Variants in APBB3 observed in about 807,000 individuals in gnomAD.
APBB3 encodes the protein amyloid-beta A4 precursor protein-binding family B member 3.
APBB3 carries 50 observed loss-of-function variants against 61.5 expected under a neutral mutation model. The ratio of observed to expected loss-of-function variants is 0.81; its 90% CI spans 0.65 to 1.03. APBB3 has a LOEUF of 1.03. APBB3 is among the 50% of genes least tolerant of loss of function. The probability of loss-of-function intolerance (pLI) is 0.00; values close to 1 mark genes in which losing one functional copy is unlikely to be tolerated. For missense variants in APBB3, 550 were observed against 637.4 expected (o/e 0.86, Z 1.48); for synonymous variants, 235 against 233.0 (o/e 1.01, Z -0.08).
Position 140,560,426 on chromosome 5 carries a change from G to C in APBB3, c.1111C>G (p.Pro371Ala). Residue 371 changes from proline to alanine, a missense_variant, in exon 12 of 13, where the codon CCA (proline) becomes GCA (alanine). Physicochemically the swap from Pro to Ala is conservative, Grantham distance 27. Around this residue, in one of 3 missense-constraint regions of APBB3, gnomAD observed 405 missense variants for 483.4 expected, o/e 0.84. Transcript: ENST00000357560. The surrounding 1 kb of genome is among the most constrained non-coding windows in gnomAD (Gnocchi z 5.1). ...LVTFIGVGRD[P>A]HTFGLIADLG... is the part of the protein sequence containing the mutation. ...TCAGCGATGAGGCCAAAGGTGTGTGGGTCGCGGCCAACACCAATAAATGTC... is the reference window on the plus strand; with the variant it reads ...TCAGCGATGAGGCCAAAGGTGTGTGCGTCGCGGCCAACACCAATAAATGTC... The C allele has an allele frequency of 6.2e-7, 1 of 1,614,192 alleles. No individual in the cohort carries two copies. Among genetic ancestry groups the C allele is most frequent in the Non-Finnish European group, 8.5e-7 (1 of 1,180,034 alleles).
rs760558978 is a variant in APBB3, at chr5:140,562,477, C to T, written c.374G>A (p.Gly125Asp). The change falls in exon 5 of 13, where the codon GGC (glycine) becomes GAC (aspartate). Residue 125 changes from glycine (G) to aspartate (D), a missense_variant. Gly to Asp is a moderately conservative substitution (Grantham distance 94). This residue lies in a region of APBB3 where 405 missense variants were observed against 483.4 expected (regional missense o/e 0.84). Coordinates refer to ENST00000357560, the MANE Select transcript of APBB3 (RefSeq NM_133173.3). Reference protein sequence around the residue: ...GAKCFAVRSLGWVEVPEEDLA... With the variant: ...GAKCFAVRSLDWVEVPEEDLA... ...GTCCTCTTCAGGTACCTCTACCCAGCCCAGAGAGCGGACTGCAAAGCACTG... is the reference window on the plus strand; with the variant it reads ...GTCCTCTTCAGGTACCTCTACCCAGTCCAGAGAGCGGACTGCAAAGCACTG... The T allele has an allele frequency of 6.2e-7, 1 of 1,614,122 alleles. No individual in the cohort carries two copies. The highest frequency in any genetic ancestry group is 2.2e-5 in the East Asian group (1 of 44,886).
rs778600820 is a variant in APBB3 at position 140,562,707 on chromosome 5, A to C, written c.307T>G (p.Tyr103Asp). ...SLDRSNSLSW[Y>D]GGESYIQSME... ...CTCTGGATGTAGGATTCCCCACCAT[A>C]CCAGGACAGAGAGTTACTGAAACAG... The change falls in exon 4 of 13, where the codon TAT becomes GAT. Residue 103 changes from tyrosine (Y) to aspartate (D), a missense_variant. Transcript: ENST00000357560. The C allele has an allele frequency of 5.6e-6, 9 of 1,614,146 alleles. No individual in the cohort carries two copies. In the South Asian group the frequency reaches 9.9e-5, roughly 18 times the overall value.
chr5:140,560,051 CACTT>C lies in APBB3; in HGVS notation c.1224+258_1224+261del, dbSNP rs139854367. Among the ~76,000 whole-genome samples the C allele has an allele frequency of 1.0e-3, 153 of 152,350 alleles. No individual in the cohort carries two copies. The highest frequency in any genetic ancestry group is 3.4e-3 in the African/African-American group (142 of 41,574). On this transcript the variant is annotated intron_variant, in intron 12 of 12. Transcript: ENST00000357560. This position sits in a 1 kb window ranked among gnomAD's most constrained non-coding sequence, Gnocchi z 5.1. The stretch of plus-strand genomic sequence containing the variant: ...CTGCACAACTCTGGCTGCATGCTGA[CACTT>C]ACACGTGTGAACTGAGTGCCAGAGC...
chr5:140,562,512 G>A lies in APBB3; in HGVS notation c.352-13C>T, dbSNP rs766675104. The stretch of plus-strand genomic sequence containing the variant: ...GGACTGCAAAGCACTGACAGGTTGG[G>A]GGAAGGGACAGGAATTAATAAGGAT... On this transcript the variant is annotated splice_polypyrimidine_tract_variant and intron_variant, in intron 4 of 12. Transcript: ENST00000357560. 1.1e-5 allele frequency: 18 copies of A among 1,613,738 alleles called. No individual in the cohort carries two copies. The highest frequency in any genetic ancestry group is 1.4e-5 in the Non-Finnish European group (17 of 1,179,884).
At chr5:140,563,350 T>C in intron 3 of APBB3, 4 of 576,698 alleles carry the variant, frequency 6.9e-6, no homozygotes, top group Non-Finnish European at 1.2e-5. Flanking sequence ...ATGGCCAAGG[T>C]CTAGAACATG....
chr5:140,564,040 A>T lies in APBB3; in HGVS notation c.50-125T>A. 1.4e-6 allele frequency: 2 copies of T among 1,463,088 alleles called. No homozygotes were observed. The highest frequency in any genetic ancestry group is 1.9e-6 in the Non-Finnish European group (2 of 1,080,312). 90.6% of individuals were successfully genotyped at this position (1,463,088 alleles called of 1,614,324 possible). On this transcript the variant is annotated intron_variant, in intron 1 of 12. Transcript: ENST00000357560. This position sits in a 1 kb window ranked among gnomAD's most constrained non-coding sequence, Gnocchi z 5.0. ...CTTAGGCTGAAGATCCAGGCTCCTC[A>T]ATCTTGAAGACATCACATGTAAAGA...
In APBB3 at chr5:140,564,201, G is replaced by C. The variant is rs1755104685; in HGVS notation, c.45C>G (p.Cys15Trp). Residue 15 changes from cysteine to tryptophan, a missense_variant, in exon 1 of 13, where the codon TGC becomes TGG. By Grantham distance (215) the Cys-to-Trp change is radical. Around this residue, in one of 3 missense-constraint regions of APBB3, gnomAD observed 405 missense variants for 483.4 expected, o/e 0.84. Transcript: ENST00000357560. The surrounding 1 kb of genome is among the most constrained non-coding windows in gnomAD (Gnocchi z 5.0). ...ACCGGGCCCCTCCGTGCACACCATC[G>C]CAGTTGACCAGAATGATGGCCAGCA... Reference protein sequence around the residue: ...DYMLAIILVNCDDDLWGDHSL... With the variant: ...DYMLAIILVNWDDDLWGDHSL... The C allele has an allele frequency of 6.2e-7, 1 of 1,613,736 alleles. No homozygotes were observed. The highest frequency in any genetic ancestry group is 1.3e-5 in the African/African-American group (1 of 74,902).
In APBB3 at chr5:140,563,809, A is replaced by C. The variant is rs1404866691; in HGVS notation, c.156T>G (p.Gly52=). 1 of 1,614,112 alleles carries C rather than the reference A, an allele frequency of 6.2e-7. No individual in the cohort carries two copies. Among genetic ancestry groups the C allele is most frequent in the Non-Finnish European group, 8.5e-7 (1 of 1,180,008 alleles). The part of the protein sequence containing the change: ...AGTYYWHVPS[G]STQWQRPTWE... ...AGGTTGGGCGCTGCCACTGGGTGCT[A>C]CCGCTGGGTACATGCCAGTAGTAAG... Residue 52 remains glycine, a synonymous_variant, in exon 2 of 13, where the codon GGT becomes GGG. Coordinates refer to ENST00000357560, the MANE Select transcript of APBB3 (RefSeq NM_133173.3).
chr5:140,564,291 C>T lies in APBB3; in HGVS notation c.-46G>A, dbSNP rs924951893. ...AGCCTCTGCCGGCCCGCACTCTCAGCCCAGCGCGACCTCTGGAGCTACTGC... is the reference window on the plus strand; with the variant it reads ...AGCCTCTGCCGGCCCGCACTCTCAGTCCAGCGCGACCTCTGGAGCTACTGC... On this transcript the variant is annotated 5_prime_UTR_variant, in exon 1 of 13. Transcript: ENST00000357560. This position sits in a 1 kb window ranked among gnomAD's most constrained non-coding sequence, Gnocchi z 5.0. The T allele has an allele frequency of 1.9e-6, 3 of 1,600,044 alleles. No homozygotes were observed. The highest frequency in any genetic ancestry group is 1.7e-6 in the Non-Finnish European group (2 of 1,178,288).
In APBB3 at chr5:140,561,856, C is replaced by T. The variant is rs746000179; in HGVS notation, c.627-7G>A. On this transcript the variant is annotated splice_region_variant and splice_polypyrimidine_tract_variant and intron_variant, in intron 6 of 12. Coordinates refer to ENST00000357560, the MANE Select transcript of APBB3 (RefSeq NM_133173.3). ...GGTTTTCACTCACCTGTCACTGTTC[C>T]GGAAGCATGTGGGAGCACAGAAGGG... 9.3e-6 allele frequency: 15 copies of T among 1,613,468 alleles called. No individual in the cohort carries two copies. The highest frequency in any genetic ancestry group is 1.6e-4 in the Middle Eastern group (1 of 6,080).
At chr5:140,563,006 G>A (rs1212548102) in intron 3 of APBB3, 4 of 425,170 alleles carry the variant, frequency 9.4e-6, no homozygotes, top group Non-Finnish European at 1.7e-5. Flanking sequence ...CAACACTTTG[G>A]GAGGCTGAGA....
chr5:140,564,542 C>T lies in APBB3; in HGVS notation c.-297G>A, dbSNP rs965070173. 14 of 564,658 alleles carry T rather than the reference C, an allele frequency of 2.5e-5. No homozygotes were observed. Among genetic ancestry groups the T allele is most frequent in the African/African-American group, 3.9e-5 (2 of 50,908 alleles). 35.0% of individuals were successfully genotyped at this position (564,658 alleles called of 1,614,324 possible). A position where few individuals can be genotyped will look rare whatever the true frequency, so the allele number is the denominator to read the frequency against. On this transcript the variant is annotated 5_prime_UTR_variant, in exon 1 of 13. Transcript: ENST00000357560. This position sits in a 1 kb window ranked among gnomAD's most constrained non-coding sequence, Gnocchi z 5.0. The stretch of plus-strand genomic sequence containing the variant: ...CCACGAACGCCAGCGAAACCGCTGA[C>T]ACCACCGCCCAACTATGAACTCATC...
intron 3 of APBB3, 22 bp downstream of exon 3, chr5:140,563,571 AT>A: frequency 6.2e-7 from 1 of 1,613,858 alleles, no homozygotes; most frequent in Non-Finnish European, 8.5e-7. Context: ...CAAGCCTTTC[AT>A]TTTGCCTGGG....
Position 140,563,735 on chromosome 5 carries a change from C to T in APBB3, c.213+17G>A. The T allele has an allele frequency of 1.9e-6, 3 of 1,614,084 alleles. No individual in the cohort carries two copies. The highest frequency in any genetic ancestry group is 2.5e-6 in the Non-Finnish European group (3 of 1,179,966). On this transcript the variant is annotated intron_variant, in intron 2 of 12. Coordinates refer to ENST00000357560, the MANE Select transcript of APBB3 (RefSeq NM_133173.3). ...GTCCACACATGGGCTCAGACCTCCT[C>T]CTCACACTCTACCTACCGTGCCTGG...
In APBB3 at chr5:140,560,967, C is replaced by T; in HGVS notation, c.916+51G>A. 6.3e-7 allele frequency: 1 copy of T among 1,590,912 alleles called. No individual in the cohort carries two copies. The highest frequency in any genetic ancestry group is 1.7e-5 in the Admixed American group (1 of 59,614). On this transcript the variant is annotated intron_variant, in intron 10 of 12. Coordinates refer to ENST00000357560, the MANE Select transcript of APBB3 (RefSeq NM_133173.3). The surrounding 1 kb of genome is among the most constrained non-coding windows in gnomAD (Gnocchi z 5.1). ...ATGATAACAGGCCTCACCTCACTCACCTTCCCCTTGCCTCACACAGCCCAC... is the reference window on the plus strand; with the variant it reads ...ATGATAACAGGCCTCACCTCACTCATCTTCCCCTTGCCTCACACAGCCCAC...
Position 140,564,225 on chromosome 5 carries a change from C to G in APBB3, c.21G>C (p.Met7Ile). 2 of 1,613,412 alleles carry G rather than the reference C, an allele frequency of 1.2e-6. No individual in the cohort carries two copies. Among genetic ancestry groups the G allele is most frequent in the Non-Finnish European group, 1.7e-6 (2 of 1,180,036 alleles). MLGKDY[M>I]LAIILVNCDD... is the part of the protein sequence containing the mutation. ...CGCAGTTGACCAGAATGATGGCCAG[C>G]ATGTAATCCTTGCCCAGCATAACCC... Residue 7 changes from methionine (M) to isoleucine (I), a missense_variant, in exon 1 of 13, where the codon ATG becomes ATC. Transcript: ENST00000357560. This position sits in a 1 kb window ranked among gnomAD's most constrained non-coding sequence, Gnocchi z 5.0.
Position 140,564,386 on chromosome 5 carries a change from A to C in APBB3, c.-141T>G. On this transcript the variant is annotated 5_prime_UTR_variant, in exon 1 of 13. Coordinates refer to ENST00000357560, the MANE Select transcript of APBB3 (RefSeq NM_133173.3). The surrounding 1 kb of genome is among the most constrained non-coding windows in gnomAD (Gnocchi z 5.0). ...TGGCGCCGCACAAATACGGGGCGGG[A>C]CACGGGGCGGGACACGGGCCGGTCC... is the stretch of plus-strand genomic sequence containing the variant. 1.0e-6 allele frequency: 1 copy of C among 996,774 alleles called. No individual in the cohort carries two copies. The highest frequency in any genetic ancestry group is 1.5e-6 in the Non-Finnish European group (1 of 673,382). 61.7% of individuals were successfully genotyped at this position (996,774 alleles called of 1,614,324 possible). A position where few individuals can be genotyped will look rare whatever the true frequency, so the allele number is the denominator to read the frequency against.
Position 140,564,385 on chromosome 5 carries a change from G to A in APBB3, c.-140C>T, listed in dbSNP as rs879127215. 3.0e-5 allele frequency: 29 copies of A among 968,836 alleles called. No individual in the cohort carries two copies. In the South Asian group the frequency reaches 3.8e-4, roughly 13 times the overall value. The allele number at this position is 968,836 out of a possible 1,614,324, so 60.0% of individuals were successfully genotyped here. A position where few individuals can be genotyped will look rare whatever the true frequency, so the allele number is the denominator to read the frequency against. ...CTGGCGCCGCACAAATACGGGGCGG[G>A]ACACGGGGCGGGACACGGGCCGGTC... On this transcript the variant is annotated 5_prime_UTR_variant, in exon 1 of 13. Coordinates refer to ENST00000357560, the MANE Select transcript of APBB3 (RefSeq NM_133173.3). This position sits in a 1 kb window ranked among gnomAD's most constrained non-coding sequence, Gnocchi z 5.0.
In APBB3 at chr5:140,560,861, C is replaced by A. The variant is rs1581404965; in HGVS notation, c.917-107G>T. Reference sequence around the variant, plus strand: ...GATTCAGAGATAGGGAATAGGATAGCTGGGGCAAGCCTTAGAATTCTGATT... The same window carrying A: ...GATTCAGAGATAGGGAATAGGATAGATGGGGCAAGCCTTAGAATTCTGATT... On this transcript the variant is annotated intron_variant, in intron 10 of 12. Transcript: ENST00000357560. The surrounding 1 kb of genome is among the most constrained non-coding windows in gnomAD (Gnocchi z 5.1). 1 of 1,386,204 alleles carries A rather than the reference C, an allele frequency of 7.2e-7. No homozygotes were observed. The highest frequency in any genetic ancestry group is 1.2e-5 in the South Asian group (1 of 82,214). The allele number at this position is 1,386,204 out of a possible 1,614,324, so 85.9% of individuals were successfully genotyped here. A position where few individuals can be genotyped will look rare whatever the true frequency, so the allele number is the denominator to read the frequency against.
Sources: gnomAD v4.1 joint callset for allele counts (sites outside exome capture counted in the v4.1 genomes callset) on GRCh38, gnomAD v4.1.1 for gene constraint, gnomAD v4.1.1 regional missense constraint, Gnocchi (gnomAD v3.1) non-coding constraint, MANE v1.5 for transcripts, NCBI Gene and HGNC (gene_info 2026-07-23, HGNC 2026-07-21) for gene names.